The following SEMA6D variants were observed in gnomAD, a reference collection of about 807,000 sequenced individuals.
SEMA6D encodes the protein semaphorin-6D.
Under a neutral mutation model 106.6 loss-of-function variants are expected in SEMA6D, and 35 were observed. That is an observed-to-expected ratio of 0.33 (90% CI 0.25 to 0.44). The LOEUF is 0.44. SEMA6D is among the 20% of genes least tolerant of loss of function. The pLI, the probability that SEMA6D is intolerant of heterozygous loss-of-function variation, is 1.00. For missense variants in SEMA6D, 1,185 were observed against 1,345.9 expected, an observed-to-expected ratio of 0.88 and a Z score of 1.87; for synonymous variants, 499 against 487.7, an observed-to-expected ratio of 1.02 and a Z score of -0.31.
intron 1 of SEMA6D, among the ~76,000 whole-genome samples, chr15:47,283,918 C>G (rs1045903191): frequency 6.6e-6 from 1 of 152,164 alleles, no homozygotes; most frequent in African/African-American, 2.4e-5. Flanking sequence ...GATAGGAAGT[C>G]CTGGGTGTAT....
chr15:47,308,017 A>G (rs937770234), intron 1 of SEMA6D, among the ~76,000 whole-genome samples: 4 of 146,120 alleles, frequency 2.7e-5, no homozygotes, highest in South Asian at 2.2e-4. Context: ...CAAAAATTTC[A>G]GAATTTGGCC....
At chr15:47,712,253 G>A (rs2079035970) in intron 4 of SEMA6D, among the ~76,000 whole-genome samples, 1 of 152,002 alleles carries the variant, frequency 6.6e-6, no homozygotes, top group African/African-American at 2.4e-5. Context: ...ATCTAATTGT[G>A]GGTTTTTACA....
At chr15:47,372,205 T>G (rs1361449544) in intron 1 of SEMA6D, among the ~76,000 whole-genome samples, 1 of 152,186 alleles carries the variant, frequency 6.6e-6, no homozygotes, top group African/African-American at 2.4e-5. Context: ...CTTCATCTGT[T>G]TATAGTTCTT....
intron 3 of SEMA6D, among the ~76,000 whole-genome samples, chr15:47,540,982 T>C (rs1033925353): frequency 1.3e-5 from 2 of 152,108 alleles, no homozygotes; most frequent in African/African-American, 2.4e-5. Context: ...GACAGAAGAC[T>C]GAACCAGACT....
chr15:47,323,538 C>T (rs1397267272), intron 1 of SEMA6D, among the ~76,000 whole-genome samples: 4 of 152,144 alleles, frequency 2.6e-5, no homozygotes, highest in African/African-American at 7.2e-5. Flanking sequence ...TAAAAGGCAT[C>T]ATTCAGAAGG....
intron 4 of SEMA6D, among the ~76,000 whole-genome samples, chr15:47,682,500 A>G (rs2078377966): frequency 6.6e-6 from 1 of 152,170 alleles, no homozygotes; most frequent in East Asian, 1.9e-4. Flanking sequence ...TATCTTTGCA[A>G]TGGTCATATC....
intron 3 of SEMA6D, among the ~76,000 whole-genome samples, chr15:47,515,541 A>T (rs1230009676): frequency 6.6e-6 from 1 of 152,162 alleles, no homozygotes; most frequent in African/African-American, 2.4e-5. Context: ...CTTTGAGAAG[A>T]GTGGATATAA....
At chr15:47,702,009 C>T (rs2078823124) in intron 4 of SEMA6D, among the ~76,000 whole-genome samples, 1 of 152,186 alleles carries the variant, frequency 6.6e-6, no homozygotes, top group Non-Finnish European at 1.5e-5. Context: ...GTTTCCTATA[C>T]TCGACATTTT....
intron 1 of SEMA6D, among the ~76,000 whole-genome samples, chr15:47,738,035 CT>C (rs2080551171): frequency 7.8e-6 from 1 of 127,932 alleles, no homozygotes; most frequent in Non-Finnish European, 1.6e-5. Flanking sequence ...GCCTGATAAA[CT>C]TAAAAAAAAA....
At chr15:47,346,190 C>T (rs1057139126) in intron 1 of SEMA6D, among the ~76,000 whole-genome samples, 1 of 152,192 alleles carries the variant, frequency 6.6e-6, no homozygotes, top group South Asian at 2.1e-4. Context: ...TTTGGATTGA[C>T]AAACTCATGG....
intron 1 of SEMA6D, among the ~76,000 whole-genome samples, chr15:47,188,839 G>A (rs1595714318): frequency 6.6e-6 from 1 of 152,178 alleles, no homozygotes; most frequent in African/African-American, 2.4e-5. Context: ...GACAAAGGAG[G>A]CAAGATTTCT....
At chr15:47,571,495 A>C (rs1435761) in intron 3 of SEMA6D, among the ~76,000 whole-genome samples, 150,973 of 152,318 alleles carry the variant, frequency 0.99, 74,831 homozygotes, top group Middle Eastern at 1. Flanking sequence ...ATTTGATTAA[A>C]CATTTACAAT....
intron 1 of SEMA6D, among the ~76,000 whole-genome samples, chr15:47,208,777 G>A (rs979860692): frequency 1.3e-5 from 2 of 152,072 alleles, no homozygotes; most frequent in Non-Finnish European, 2.9e-5. Flanking sequence ...ATTCCAGGAC[G>A]GTTTCTGACT....
chr15:47,352,314 A>G (rs1307864023), intron 1 of SEMA6D, among the ~76,000 whole-genome samples: 1 of 152,182 alleles, frequency 6.6e-6, no homozygotes, highest in East Asian at 1.9e-4. Flanking sequence ...CAAAGACTCA[A>G]TATTAAAGTA....
chr15:47,644,932 A>C (rs1265026169), intron 4 of SEMA6D, among the ~76,000 whole-genome samples: 1 of 152,196 alleles, frequency 6.6e-6, no homozygotes, highest in African/African-American at 2.4e-5. Context: ...TCATAACATT[A>C]GGACAAGGCC....
chr15:47,331,580 T>G (rs768810021), intron 1 of SEMA6D, among the ~76,000 whole-genome samples: 1 of 152,124 alleles, frequency 6.6e-6, no homozygotes, highest in African/African-American at 2.4e-5. Context: ...AGCATAGACA[T>G]ATGCATAAAC....
In SEMA6D at chr15:47,686,568, T is replaced by C. The variant is rs188598521; in HGVS notation, c.-54-73177T>C. ...AACAAAAGATAGCACACAAATTTAC[T>C]CTTACCAAACTTGGTGAGACCCTCA... On this transcript the variant is annotated intron_variant, in intron 4 of 19. Transcript: ENST00000558014. 2.6e-5 allele frequency among the ~76,000 whole-genome samples: 4 copies of C among 152,322 alleles called. No homozygotes were observed. In the East Asian group the frequency reaches 7.7e-4, roughly 29 times the overall value.
intron 1 of SEMA6D, among the ~76,000 whole-genome samples, chr15:47,349,325 C>T (rs12908163): frequency 0.53 from 80,995 of 151,978 alleles, 24,698 homozygotes; most frequent in African/African-American, 0.85. Context: ...TTTGCAGGTG[C>T]AGGATAACAT....
intron 1 of SEMA6D, among the ~76,000 whole-genome samples, chr15:47,367,244 C>T (rs192447984): frequency 1.5e-4 from 23 of 152,186 alleles, no homozygotes; most frequent in Admixed American, 5.9e-4. Flanking sequence ...GTCCTCCTTC[C>T]CCCCCTTCTT....
Sources: gnomAD v4.1 joint callset for allele counts (sites outside exome capture counted in the v4.1 genomes callset) on GRCh38, gnomAD v4.1.1 for gene constraint, MANE v1.5 for transcripts, NCBI Gene and HGNC (gene_info 2026-07-23, HGNC 2026-07-21) for gene names.